The following RIN2 variants were observed in gnomAD, a reference collection of about 807,000 sequenced individuals.
The protein encoded by RIN2 is RAB5 interacting protein 2.
In RIN2, 36 loss-of-function variants were observed where a neutral mutation model predicts 78.0. The observed-to-expected ratio is 0.46, with a 90% CI of 0.35 to 0.61. The LOEUF is 0.61. Among genes scored for constraint, RIN2 ranks in the 20% least tolerant of loss-of-function variants. The pLI, the probability that RIN2 is intolerant of heterozygous loss-of-function variation, is 0.00. For synonymous variants in RIN2, 466 were observed against 466.8 expected (o/e 1.00, Z 0.02); for missense variants, 1,087 against 1,159.7 (o/e 0.94, Z 0.91).
At chr20:19,823,858 G>A in intron 2 of RIN2, 1 of 1,605,614 alleles carries the variant, frequency 6.2e-7, no homozygotes, top group East Asian at 2.2e-5. Flanking sequence ...GATCTTGGGG[G>A]CCAGGGCAGA....
At chr20:19,905,673 AG>A (rs1443472886) in intron 3 of RIN2, among the ~76,000 whole-genome samples, 1 of 152,208 alleles carries the variant, frequency 6.6e-6, no homozygotes, top group African/African-American at 2.4e-5. Flanking sequence ...ACTTGAGCCC[AG>A]GAGTTCAAGG....
chr20:19,881,391 G>A (rs548455005), intron 2 of RIN2, among the ~76,000 whole-genome samples: 1 of 152,224 alleles, frequency 6.6e-6, no homozygotes, highest in African/African-American at 2.4e-5. Context: ...GATGGTGAAG[G>A]GGAAAGTTTG....
At position 19,911,196 on chromosome 20, in the gene RIN2, A is replaced by G. The variant is rs565596341; in HGVS notation, c.57+21538A>G. 2.0e-5 allele frequency among the ~76,000 whole-genome samples: 3 copies of G among 152,096 alleles called. No homozygotes were observed. In the South Asian group the frequency reaches 6.2e-4, roughly 32 times the overall value. On this transcript the variant is annotated intron_variant, in intron 3 of 12. Coordinates refer to ENST00000255006, the MANE Select transcript of RIN2 (RefSeq NM_018993.4). ...CTCCTGAGTAGCTGGGATTACAGGC[A>G]TGCACCACCTTGCCCAGCTAATTTT...
chr20:19,935,311 G>A (rs2040595926), intron 4 of RIN2, 112 bp downstream of exon 4: 1 of 1,243,548 alleles, frequency 8.0e-7, no homozygotes, highest in African/African-American at 1.5e-5. Flanking sequence ...CTGGGAGTGT[G>A]GTAGCAGCTC....
chr20:19,906,830 T>C (rs1300806185), intron 3 of RIN2, among the ~76,000 whole-genome samples: 1 of 152,166 alleles, frequency 6.6e-6, no homozygotes, highest in African/African-American at 2.4e-5. Context: ...GGGCAGAGCA[T>C]GGATGAGTGT....
rs61729448 is a variant in RIN2 at position 19,823,820 on chromosome 20, C to A, written c.-37+24073C>A. On this transcript the variant is annotated intron_variant, in intron 2 of 12. Transcript: ENST00000255006. ...ATTGCCTTGGCAATGTCATCACCAA[C>A]CTTTTTTGGAGACAGACCCAGGGGG... 9,153 of 1,605,290 alleles carry A rather than the reference C, an allele frequency of 5.7e-3. 449 individuals are homozygous for A. In the African/African-American group the frequency reaches 0.11, roughly 19 times the overall value.
chr20:19,994,522 T>C (rs1442175864), intron 11 of RIN2, among the ~76,000 whole-genome samples: 1 of 152,226 alleles, frequency 6.6e-6, no homozygotes, highest in East Asian at 1.9e-4. Flanking sequence ...TGCATCCACA[T>C]GTTTCAAAGT....
chr20:19,946,869 A>G (rs969149353), intron 4 of RIN2, among the ~76,000 whole-genome samples: 1 of 152,058 alleles, frequency 6.6e-6, no homozygotes, highest in Non-Finnish European at 1.5e-5. Context: ...TGTCTCTACT[A>G]AAAATACAAA....
At chr20:19,824,615 C>G (rs1026335355) in intron 2 of RIN2, among the ~76,000 whole-genome samples, 2 of 152,022 alleles carry the variant, frequency 1.3e-5, no homozygotes, top group Admixed American at 1.3e-4. Context: ...TCTAAGGCCC[C>G]CTGAGACCTG....
chr20:19,820,450 AC>A (rs2035893618), intron 2 of RIN2, among the ~76,000 whole-genome samples: 1 of 152,222 alleles, frequency 6.6e-6, no homozygotes, highest in African/African-American at 2.4e-5. Flanking sequence ...CAAAACACAG[AC>A]AAAAAATAAT....
chr20:19,761,186 T>C (rs1194378226), intron 1 of RIN2, among the ~76,000 whole-genome samples: 3 of 152,216 alleles, frequency 2.0e-5, no homozygotes, highest in Admixed American at 6.5e-5. Context: ...GTAGTATTCA[T>C]TGCATTTTGT....
chr20:19,844,124 A>G (rs2036662375), intron 2 of RIN2, among the ~76,000 whole-genome samples: 2 of 152,160 alleles, frequency 1.3e-5, no homozygotes, highest in African/African-American at 4.8e-5. Context: ...AGCTCTAGAA[A>G]TGATGTTGGT....
intron 3 of RIN2, among the ~76,000 whole-genome samples, chr20:19,898,677 G>A (rs2038847576): frequency 6.6e-6 from 1 of 152,168 alleles, no homozygotes; most frequent in South Asian, 2.1e-4. Context: ...AAATCTGCAG[G>A]CTGGTATATA....
chr20:19,904,403 G>A (rs1474148650), intron 3 of RIN2, among the ~76,000 whole-genome samples: 3 of 151,996 alleles, frequency 2.0e-5, no homozygotes, highest in Admixed American at 1.3e-4. Context: ...CCGGGTATGC[G>A]GTGCTGGGGG....
intron 1 of RIN2, among the ~76,000 whole-genome samples, chr20:19,788,602 GAAA>G (rs34183798): frequency 3.3e-5 from 4 of 121,866 alleles, no homozygotes; most frequent in Non-Finnish European, 5.3e-5. Context: ...ACTTTGTCTC[GAAA>G]AAAAAAAAAA....
intron 2 of RIN2, among the ~76,000 whole-genome samples, chr20:19,876,594 G>A (rs1441669868): frequency 6.6e-6 from 1 of 152,038 alleles, no homozygotes; most frequent in African/African-American, 2.4e-5. Context: ...GTGAGTAAAA[G>A]CCCTTTATAA....
chr20:19,840,305 T>C (rs2036542818), intron 2 of RIN2, among the ~76,000 whole-genome samples: 1 of 152,198 alleles, frequency 6.6e-6, no homozygotes, highest in Non-Finnish European at 1.5e-5. Context: ...CACACCTTGG[T>C]AAGACAGTGG....
At chr20:19,823,507 C>T (rs1255246598) in intron 2 of RIN2, 11 of 961,024 alleles carry the variant, frequency 1.1e-5, no homozygotes, top group Non-Finnish European at 1.8e-5. Context: ...ATGAGGGTGG[C>T]GGCCATCAAC....
At chr20:19,779,652 G>A (rs1377022716) in intron 1 of RIN2, among the ~76,000 whole-genome samples, 2 of 152,184 alleles carry the variant, frequency 1.3e-5, no homozygotes, top group African/African-American at 2.4e-5. Context: ...TCAGATAAGT[G>A]TCCCCAGACC....
Sources: allele counts gnomAD v4.1 joint callset (sites outside exome capture counted in the v4.1 genomes callset), GRCh38; gene constraint gnomAD v4.1.1; transcripts MANE v1.5; gene names NCBI Gene and HGNC (gene_info 2026-07-23, HGNC 2026-07-21).